The following CTNNA3 variants were observed in gnomAD, a reference collection of about 807,000 sequenced individuals.
The protein encoded by CTNNA3 is catenin alpha 3.
A neutral mutation model predicts 95.7 loss-of-function variants in CTNNA3; 76 were observed. The ratio of observed to expected loss-of-function variants is 0.79; its 90% CI spans 0.66 to 0.96. The LOEUF (loss-of-function observed/expected upper bound fraction) is 0.96. Among genes scored for constraint, CTNNA3 ranks in the 40% least tolerant of loss-of-function variants. CTNNA3 has a pLI of 0.00. For synonymous variants in CTNNA3, 431 were observed against 374.4 expected (o/e 1.15, Z -1.74); for missense variants, 1,191 against 1,089.8 (o/e 1.09, Z -1.31).
intron 1 of CTNNA3, among the ~76,000 whole-genome samples, chr10:67,728,104 C>G (rs1022341756): frequency 7.2e-6 from 1 of 139,034 alleles, no homozygotes; most frequent in Non-Finnish European, 1.5e-5. Flanking sequence ...AATATACATA[C>G]ATATACATAG....
intron 10 of CTNNA3, among the ~76,000 whole-genome samples, chr10:66,582,108 GTTGC>G (rs1843209227): frequency 6.6e-6 from 1 of 151,502 alleles, no homozygotes; most frequent in Non-Finnish European, 1.5e-5. Flanking sequence ...TTTCGTTTAG[GTTGC>G]TTTGACTATT....
intron 2 of CTNNA3, among the ~76,000 whole-genome samples, chr10:67,624,630 A>G (rs535229285): frequency 6.6e-6 from 1 of 152,252 alleles, no homozygotes; most frequent in East Asian, 1.9e-4. Context: ...AGAGGAAGCA[A>G]TCCCTTTGAC....
chr10:66,215,911 C>T (rs1003822956), intron 13 of CTNNA3, among the ~76,000 whole-genome samples: 4 of 152,240 alleles, frequency 2.6e-5, no homozygotes, highest in African/African-American at 9.6e-5. Flanking sequence ...TCTCACACTA[C>T]CTCTCCATTC....
At chr10:66,325,702 G>A (rs554766470) in intron 12 of CTNNA3, among the ~76,000 whole-genome samples, 1 of 137,642 alleles carries the variant, frequency 7.3e-6, no homozygotes, top group Admixed American at 7.0e-5. Flanking sequence ...CTCTGAGGCT[G>A]TTTAGCCACA....
At chr10:65,951,922 T>A (rs965637606) in intron 17 of CTNNA3, among the ~76,000 whole-genome samples, 1 of 149,798 alleles carries the variant, frequency 6.7e-6, no homozygotes, top group Non-Finnish European at 1.5e-5. Flanking sequence ...CCCAGCTACT[T>A]AGGAGGCTGA....
intron 5 of CTNNA3, among the ~76,000 whole-genome samples, chr10:67,429,815 T>A (rs1323156176): frequency 6.6e-6 from 1 of 151,868 alleles, no homozygotes; most frequent in East Asian, 1.9e-4. Flanking sequence ...GAAAACCAAT[T>A]ATAAATGTTC....
chr10:67,470,505 T>C (rs182884210), intron 5 of CTNNA3, among the ~76,000 whole-genome samples: 1 of 152,322 alleles, frequency 6.6e-6, no homozygotes, highest in East Asian at 1.9e-4. Flanking sequence ...GGTAAATACG[T>C]TACTGAGTTT....
At chr10:67,208,098 C>G (rs572362901) in intron 6 of CTNNA3, among the ~76,000 whole-genome samples, 7 of 152,046 alleles carry the variant, frequency 4.6e-5, no homozygotes, top group Admixed American at 4.6e-4. Flanking sequence ...CCAGGCCAGG[C>G]GCGGTGGCTC....
chr10:67,235,103 G>C lies in CTNNA3; in HGVS notation c.580-15233C>G, dbSNP rs376393886. 3.3e-5 allele frequency among the ~76,000 whole-genome samples: 5 copies of C among 151,968 alleles called. No individual in the cohort carries two copies. In the East Asian group the frequency reaches 9.7e-4, roughly 29 times the overall value. On this transcript the variant is annotated intron_variant, in intron 5 of 17. Coordinates refer to ENST00000433211, the MANE Select transcript of CTNNA3 (RefSeq NM_013266.4). The stretch of plus-strand genomic sequence containing the variant: ...GCCATACTGCCCAAGGTAATTTACA[G>C]ATTCAATGCCATCCCCATCAAGCTA...
intron 2 of CTNNA3, among the ~76,000 whole-genome samples, chr10:67,640,502 T>A (rs1390288172): frequency 6.6e-6 from 1 of 152,206 alleles, no homozygotes; most frequent in East Asian, 1.9e-4. Flanking sequence ...TGGGAAAAAC[T>A]ACTTTAAAGT....
At chr10:66,994,210 C>T (rs547830815) in intron 7 of CTNNA3, among the ~76,000 whole-genome samples, 1 of 152,186 alleles carries the variant, frequency 6.6e-6, no homozygotes, top group Non-Finnish European at 1.5e-5. Context: ...TACCCAGGTA[C>T]TCCAGTGGTT....
intron 7 of CTNNA3, among the ~76,000 whole-genome samples, chr10:66,874,750 AG>A (rs781304297): frequency 8.5e-5 from 13 of 152,218 alleles, no homozygotes; most frequent in Non-Finnish European, 1.5e-4. Flanking sequence ...GACCAAGTGA[AG>A]TACTAGACTG....
intron 11 of CTNNA3, among the ~76,000 whole-genome samples, chr10:66,404,109 C>T (rs142175529): frequency 6.6e-6 from 1 of 152,010 alleles, no homozygotes; most frequent in African/African-American, 2.4e-5. Flanking sequence ...TTCAGACTAA[C>T]CCCAACTGGA....
intron 9 of CTNNA3, among the ~76,000 whole-genome samples, chr10:66,749,974 A>G (rs1383562631): frequency 6.6e-6 from 1 of 152,190 alleles, no homozygotes; most frequent in Non-Finnish European, 1.5e-5. Flanking sequence ...TATGATGTTG[A>G]ACATCTTTTC....
chr10:66,760,350 G>T (rs117545331), intron 9 of CTNNA3, among the ~76,000 whole-genome samples: 9,459 of 152,150 alleles, frequency 0.062, 425 homozygotes, highest in Non-Finnish European at 0.1. Context: ...CCCATCTCAT[G>T]CTCCTGCCAA....
At chr10:67,052,759 C>A (rs1353279880) in intron 7 of CTNNA3, 1 of 151,972 alleles carries the variant, frequency 6.6e-6, no homozygotes, top group Non-Finnish European at 1.5e-5. Context: ...CAAAAACAAA[C>A]AAACAAAGAA....
chr10:66,603,912 A>G (rs1158555786), intron 10 of CTNNA3, among the ~76,000 whole-genome samples: 2 of 152,188 alleles, frequency 1.3e-5, no homozygotes, highest in Non-Finnish European at 1.5e-5. Context: ...ATCTTTCACC[A>G]TATACAAAAA....
chr10:65,962,128 C>T (rs2077858129), intron 17 of CTNNA3, among the ~76,000 whole-genome samples: 1 of 152,186 alleles, frequency 6.6e-6, no homozygotes, highest in African/African-American at 2.4e-5. Context: ...TTCTGGATCA[C>T]TGTCTCAGCT....
chr10:66,408,096 A>C (rs967829251), intron 11 of CTNNA3, among the ~76,000 whole-genome samples: 1 of 152,206 alleles, frequency 6.6e-6, no homozygotes, highest in Admixed American at 6.5e-5. Flanking sequence ...TAAATTACTT[A>C]TAATACCTAA....
Sources: gnomAD v4.1 joint callset for allele counts (sites outside exome capture counted in the v4.1 genomes callset) on GRCh38, gnomAD v4.1.1 for gene constraint, MANE v1.5 for transcripts, NCBI Gene and HGNC (gene_info 2026-07-23, HGNC 2026-07-21) for gene names.